Variants in DOCK4 observed in about 807,000 individuals in gnomAD.
DOCK4 encodes dedicator of cytokinesis 4.
In DOCK4, 97 loss-of-function variants were observed where a neutral mutation model predicts 268.1. The ratio of observed to expected loss-of-function variants is 0.36; its 90% CI spans 0.31 to 0.43. The LOEUF is 0.43. Ranked by LOEUF, DOCK4 falls within the 20% of genes least tolerant of loss-of-function variation. The probability of loss-of-function intolerance (pLI) is 1.00; values close to 1 mark genes in which losing one functional copy is unlikely to be tolerated. For synonymous variants in DOCK4, 954 were observed against 887.2 expected (o/e 1.08, Z -1.34); for missense variants, 2,145 against 2,455.7 (o/e 0.87, Z 2.67).
chr7:111,876,986 G>T, intron 17 of DOCK4, 44 bp downstream of exon 17: 1 of 1,332,732 alleles, frequency 7.5e-7, no homozygotes, highest in South Asian at 2.5e-5. Flanking sequence ...AAATATACAT[G>T]ATTATTAGGT....
intron 42 of DOCK4, among the ~76,000 whole-genome samples, chr7:111,749,097 T>C (rs1796468335): frequency 6.6e-6 from 1 of 152,164 alleles, no homozygotes; most frequent in African/African-American, 2.4e-5. Flanking sequence ...ACTACTTTTA[T>C]GGTGAAGATG....
At chr7:112,145,972 T>A (rs1416578166) in intron 1 of DOCK4, among the ~76,000 whole-genome samples, 1 of 152,166 alleles carries the variant, frequency 6.6e-6, no homozygotes, top group African/African-American at 2.4e-5. Context: ...GTTTGTGATA[T>A]AGAAAATGAG....
chr7:111,828,823 T>C (rs995312609), intron 26 of DOCK4, among the ~76,000 whole-genome samples: 1 of 151,380 alleles, frequency 6.6e-6, no homozygotes, highest in Non-Finnish European at 1.5e-5. Flanking sequence ...TGAGATATTA[T>C]CATGTAAAAA....
At chr7:111,944,780 C>A in intron 10 of DOCK4, 31 bp downstream of exon 10, 1 of 1,596,570 alleles carries the variant, frequency 6.3e-7, no homozygotes, top group Non-Finnish European at 8.6e-7. Context: ...CTGTTCCTTG[C>A]CCCTACTGCA....
chr7:111,984,238 G>A (rs1480447218), intron 7 of DOCK4, 68 bp downstream of exon 7: 3 of 1,354,650 alleles, frequency 2.2e-6, no homozygotes, highest in East Asian at 4.9e-5. Context: ...AATCAAGCAA[G>A]TATGAGGAGT....
chr7:111,756,409 A>G (rs1797024888), intron 41 of DOCK4, among the ~76,000 whole-genome samples: 1 of 152,090 alleles, frequency 6.6e-6, no homozygotes, highest in Admixed American at 6.5e-5. Flanking sequence ...CTTGCTCAAA[A>G]GCTACACTAC....
chr7:112,107,437 A>T (rs1487176209), intron 1 of DOCK4, among the ~76,000 whole-genome samples: 1 of 152,224 alleles, frequency 6.6e-6, no homozygotes, highest in Non-Finnish European at 1.5e-5. Flanking sequence ...ACACAGAGAG[A>T]AAGCAGCTGT....
chr7:111,940,854 T>C (rs1027186835), intron 10 of DOCK4, among the ~76,000 whole-genome samples: 1 of 152,226 alleles, frequency 6.6e-6, no homozygotes, highest in Non-Finnish European at 1.5e-5. Context: ...GGTATTTAAT[T>C]ATCAGTGGAT....
At chr7:111,954,865 C>A (rs1796337852) in intron 8 of DOCK4, among the ~76,000 whole-genome samples, 1 of 152,134 alleles carries the variant, frequency 6.6e-6, no homozygotes, top group Non-Finnish European at 1.5e-5. Context: ...AAGAGCCTCG[C>A]ACCAACCTGA....
intron 1 of DOCK4, among the ~76,000 whole-genome samples, chr7:112,072,827 G>T (rs764663559): frequency 3.2e-4 from 48 of 152,266 alleles, no homozygotes; most frequent in African/African-American, 1.1e-3. Flanking sequence ...GTAAAATGGC[G>T]GAGCTTTACT....
Position 111,994,235 on chromosome 7 carries a change from T to C in DOCK4, c.219-4A>G. Reference sequence around the variant, plus strand: ...GGGAATAACCATTTCAAATTGTCTGTGAAATTAAAAAAGAAAAAGTATATA... The same window carrying C: ...GGGAATAACCATTTCAAATTGTCTGCGAAATTAAAAAAGAAAAAGTATATA... On this transcript the variant is annotated splice_polypyrimidine_tract_variant and splice_region_variant and intron_variant, in intron 4 of 52. Transcript: ENST00000428084. The C allele has an allele frequency of 6.4e-7, 1 of 1,564,986 alleles. No homozygotes were observed. Among genetic ancestry groups the C allele is most frequent in the South Asian group, 1.2e-5 (1 of 84,390 alleles).
intron 1 of DOCK4, among the ~76,000 whole-genome samples, chr7:112,082,711 T>G (rs1380528290): frequency 1.3e-5 from 2 of 152,150 alleles, no homozygotes; most frequent in Non-Finnish European, 2.9e-5. Flanking sequence ...ATTTAAGGCT[T>G]ATAGTTTACT....
At chr7:112,198,313 A>G (rs1587037828) in intron 1 of DOCK4, among the ~76,000 whole-genome samples, 2 of 152,272 alleles carry the variant, frequency 1.3e-5, no homozygotes, top group East Asian at 3.9e-4. Context: ...GGCCCTCACC[A>G]GGAACTGACT....
At chr7:111,739,840 T>C (rs1327068919) in intron 47 of DOCK4, 3 of 339,828 alleles carry the variant, frequency 8.8e-6, no homozygotes, top group African/African-American at 6.5e-5. Context: ...TCTGTACAAG[T>C]ATGTTCAAAG....
chr7:112,077,421 C>T (rs1005266718), intron 1 of DOCK4, among the ~76,000 whole-genome samples: 4 of 151,966 alleles, frequency 2.6e-5, no homozygotes, highest in Admixed American at 6.6e-5. Context: ...ACTTTTTATA[C>T]TACAAAAATA....
chr7:111,986,292 A>G (rs1436707683), intron 6 of DOCK4, among the ~76,000 whole-genome samples: 1 of 152,206 alleles, frequency 6.6e-6, no homozygotes, highest in Non-Finnish European at 1.5e-5. Context: ...GGTGACCTAC[A>G]TGGCTGCAGA....
chr7:111,885,719 G>A (rs971083122), intron 16 of DOCK4, among the ~76,000 whole-genome samples: 1 of 150,510 alleles, frequency 6.6e-6, no homozygotes. Flanking sequence ...AAATGGCATG[G>A]AGATAATTTA....
chr7:111,998,483 G>A lies in DOCK4; in HGVS notation c.183C>T (p.Tyr61=), dbSNP rs749014706. 2.5e-5 allele frequency: 39 copies of A among 1,590,366 alleles called. No homozygotes were observed. The East Asian group carries it at 3.4e-4, about 14-fold the overall frequency. ...PNIKGIFPSS[Y]VHLKNACVKN... ...TTACACAGGCATTTTTCAAGTGAAC[G>A]TAGCTGGAAGGAAATATACCCTGGA... The change falls in exon 4 of 53, where the codon TAC becomes TAT. Residue 61 remains tyrosine (Y), a synonymous_variant. Coordinates refer to ENST00000428084, the MANE Select transcript of DOCK4 (RefSeq NM_001363540.2).
chr7:112,104,421 C>CG (rs1810958665), intron 1 of DOCK4, among the ~76,000 whole-genome samples: 1 of 152,030 alleles, frequency 6.6e-6, no homozygotes, highest in Non-Finnish European at 1.5e-5. Context: ...TCTACTCTAA[C>CG]GGGAAAAAAA....
Sources: allele counts gnomAD v4.1 joint callset (sites outside exome capture counted in the v4.1 genomes callset), GRCh38; gene constraint gnomAD v4.1.1; transcripts MANE v1.5; gene names NCBI Gene and HGNC (gene_info 2026-07-23, HGNC 2026-07-21).